TBXT: variants seen among roughly 807,000 people sequenced by gnomAD.
TBXT encodes the protein T brachyury transcription factor.
Under a neutral mutation model 41.1 loss-of-function variants are expected in TBXT, and 19 were observed. The ratio of observed to expected loss-of-function variants is 0.46; its 90% confidence interval spans 0.32 to 0.68. The LOEUF is 0.68. Among genes scored for constraint, TBXT ranks in the 30% least tolerant of loss-of-function variants. TBXT has a pLI of 0.03. For synonymous variants in TBXT, 213 were observed against 238.9 expected, an observed-to-expected ratio of 0.89 and a Z score of 1.00; for missense variants, 536 against 582.0, an observed-to-expected ratio of 0.92 and a Z score of 0.81.
intron 6 of TBXT, among the ~76,000 whole-genome samples, 173 bp from the exon 7 acceptor site, chr6:166,161,139 G>C (rs1427690016): frequency 6.6e-6 from 1 of 152,184 alleles, no homozygotes; most frequent in Non-Finnish European, 1.5e-5. Flanking sequence ...TCAGGGGCAA[G>C]ATTTATTGCC....
At chr6:166,167,170 C>A (rs1779143663) in intron 1 of TBXT, among the ~76,000 whole-genome samples, 1 of 152,256 alleles carries the variant, frequency 6.6e-6, no homozygotes, top group Non-Finnish European at 1.5e-5. Flanking sequence ...GAGGTCGGGA[C>A]ACCGAAGTGC....
upstream of TBXT, chr6:166,167,918 A>ATTGGGCCGCGCACGCT (rs1264884905): frequency 7.0e-6 from 3 of 427,522 alleles, no homozygotes; most frequent in Non-Finnish European, 1.3e-5. Context: ...TGCTCGGCGG[A>ATTGGGCCGCGCACGCT]TTGGGCCGCG....
chr6:166,158,620 T>C, intron 7 of TBXT, 32 bp from the exon 8 acceptor site: 2 of 1,472,024 alleles, frequency 1.4e-6, no homozygotes, highest in Non-Finnish European at 1.8e-6. Context: ...GAGCAGGGCC[T>C]GGGCAGGGGC....
Position 166,157,851 on chromosome 6 carries a change from T to C in TBXT, c.*464A>G. The stretch of plus-strand genomic sequence containing the variant: ...TAAAACCTGCTGTCCTCAACTATGA[T>C]TTTATTCTGTCCTTAACAGCTCAAC... On this transcript the variant is annotated 3_prime_UTR_variant, in exon 8 of 8. Transcript: ENST00000366876. The C allele has an allele frequency of 5.0e-6, 1 of 198,346 alleles. No homozygotes were observed. Among genetic ancestry groups the C allele is most frequent in the East Asian group, 1.2e-4 (1 of 8,188 alleles). The allele number at this position is 198,346 out of a possible 1,614,324, so 12.3% of individuals were successfully genotyped here.
chr6:166,161,059 A>G (rs1778941911), intron 6 of TBXT, 93 bp from the exon 7 acceptor site: 8 of 1,499,234 alleles, frequency 5.3e-6, no homozygotes, highest in South Asian at 1.1e-5. Flanking sequence ...GAAGCTACGT[A>G]ACACTGAAAA....
chr6:166,164,591 G>T lies in TBXT; in HGVS notation c.730+14C>A. The T allele has an allele frequency of 6.2e-7, 1 of 1,613,972 alleles. No individual in the cohort carries two copies. Among genetic ancestry groups the T allele is most frequent in the Non-Finnish European group, 8.5e-7 (1 of 1,179,986 alleles). On this transcript the variant is annotated intron_variant, in intron 5 of 7. Transcript: ENST00000366876. ...ATGACGCAGAATGACATGACAGAGT[G>T]CAACAAACCGTACATTGGGAGTACC...
chr6:166,162,509 G>A lies in TBXT; in HGVS notation c.845C>T (p.Thr282Ile). 3 of 1,614,170 alleles carry A rather than the reference G, an allele frequency of 1.9e-6. No individual in the cohort carries two copies. The highest frequency in any genetic ancestry group is 2.5e-6 in the Non-Finnish European group (3 of 1,180,024). ...GGGTGAGGACCGGTGGCTCCTCAGG[G>A]TTGGGTACCTGTCACAGCTGTGCGT... ...PSTHSCDRYPTLRSHRSSPYP... is the reference protein window; with the variant it reads ...PSTHSCDRYPILRSHRSSPYP... The change falls in exon 6 of 8, where the codon ACC (threonine) becomes ATC (isoleucine). Residue 282 changes from threonine to isoleucine, a missense_variant. Coordinates refer to ENST00000366876, the MANE Select transcript of TBXT (RefSeq NM_001366285.2).
intron 5 of TBXT, among the ~76,000 whole-genome samples, chr6:166,163,879 G>A (rs1779033041): frequency 6.6e-6 from 1 of 152,212 alleles, no homozygotes; most frequent in African/African-American, 2.4e-5. Context: ...CTGCCTTTCT[G>A]GTTGTTCAAT....
chr6:166,162,398 G>A (rs1230012772), intron 6 of TBXT, 49 bp downstream of exon 6: 2 of 1,607,488 alleles, frequency 1.2e-6, no homozygotes, highest in East Asian at 4.5e-5. Flanking sequence ...TCCCAAAGTG[G>A]TCTTGCAGCC....
At chr6:166,161,044 T>C (rs112831831) in intron 6 of TBXT, 78 bp from the exon 7 acceptor site, 27 of 1,568,224 alleles carry the variant, frequency 1.7e-5, no homozygotes, top group African/African-American at 1.4e-4. Flanking sequence ...ATACCACCAA[T>C]AACTGAAGCT....
Position 166,167,284 on chromosome 6 carries a change from C to CT in TBXT, c.206+101dup, listed in dbSNP as rs568098881. 3.8e-5 allele frequency: 51 copies of CT among 1,348,074 alleles called. No individual in the cohort carries two copies. In the East Asian group the frequency reaches 1.1e-3, roughly 30 times the overall value. 83.5% of individuals were successfully genotyped at this position (1,348,074 alleles called of 1,614,324 possible). Reference sequence around the variant, plus strand: ...GAGCGGGAACAAACACAAAGCCCTCCTCCAGGAGAAAAAGGGTTCGACCTC... The same window carrying CT: ...GAGCGGGAACAAACACAAAGCCCTCCTTCCAGGAGAAAAAGGGTTCGACCTC... On this transcript the variant is annotated intron_variant, in intron 1 of 7. Coordinates refer to ENST00000366876, the MANE Select transcript of TBXT (RefSeq NM_001366285.2).
chr6:166,160,884 G>A lies in TBXT; in HGVS notation c.990C>T (p.Pro330=). 6.2e-7 allele frequency: 1 copy of A among 1,614,108 alleles called. No homozygotes were observed. Among genetic ancestry groups the A allele is most frequent in the South Asian group, 1.1e-5 (1 of 91,078 alleles). Residue 330 remains proline, a synonymous_variant, in exon 7 of 8, where the codon CCC becomes CCT. Coordinates refer to ENST00000366876, the MANE Select transcript of TBXT (RefSeq NM_001366285.2). ...CATTGTGGCTCACGGGGAGCATGCTGGGATGGGCAGGCATTCCAAGGCTGG... is the reference window on the plus strand; with the variant it reads ...CATTGTGGCTCACGGGGAGCATGCTAGGATGGGCAGGCATTCCAAGGCTGG... ...NWSSLGMPAH[P]SMLPVSHNAS... is the part of the protein sequence containing the mutation.
In TBXT at chr6:166,167,582, G is replaced by A. The variant is rs1283158104; in HGVS notation, c.10C>T (p.Pro4Ser). The change falls in exon 1 of 8, where the codon CCT becomes TCT. Residue 4 changes from proline to serine, a missense_variant. Coordinates refer to ENST00000366876, the MANE Select transcript of TBXT (RefSeq NM_001366285.2). MSS[P>S]GTESAGKSLQ... ...CTCTTTCCCGCGCTCTCGGTGCCAG[G>A]GGAGCTCATCCTCCCGTCCGGCTCC... The A allele has an allele frequency of 6.4e-6, 10 of 1,561,606 alleles. No individual in the cohort carries two copies. Among genetic ancestry groups the A allele is most frequent in the Non-Finnish European group, 8.6e-6 (10 of 1,159,520 alleles).
In TBXT at chr6:166,162,577, T is replaced by C. The variant is rs1235529667; in HGVS notation, c.777A>G (p.Ala259=). The C allele has an allele frequency of 6.2e-7, 1 of 1,614,146 alleles. No individual in the cohort carries two copies. The highest frequency in any genetic ancestry group is 8.5e-7 in the Non-Finnish European group (1 of 1,179,998). ...LPGTSTLCPP[A]NPHPQFGGAL... ...CACCTCCAAACTGAGGATGAGGATT[T>C]GCAGGTGGACACAGGGTGCTGGTTC... is the stretch of plus-strand genomic sequence containing the variant. Residue 259 remains alanine, a synonymous_variant, in exon 6 of 8, where the codon GCA becomes GCG. Coordinates refer to ENST00000366876, the MANE Select transcript of TBXT (RefSeq NM_001366285.2).
At position 166,158,974 on chromosome 6, in the gene TBXT, G is replaced by A. The variant is rs3127330; in HGVS notation, c.1038-386C>T. ...GATCAGCTGATGTCAGGAGTTCAAG[G>A]CCAGCCTGACTAACATGGTGAAACC... On this transcript the variant is annotated intron_variant, in intron 7 of 7. Coordinates refer to ENST00000366876, the MANE Select transcript of TBXT (RefSeq NM_001366285.2). Among the ~76,000 whole-genome samples the A allele has an allele frequency of 2.6e-4, 39 of 152,140 alleles. No individual in the cohort carries two copies. In the East Asian group the frequency reaches 5.8e-3, roughly 23 times the overall value.
intron 7 of TBXT, 152 bp downstream of exon 7, chr6:166,160,685 C>A (rs1376828685): frequency 1.8e-5 from 20 of 1,130,318 alleles, no homozygotes; most frequent in Admixed American, 2.6e-5. Flanking sequence ...AATCCCTGGG[C>A]ATAGCTGGCT....
chr6:166,161,463 T>G (rs1223063021), intron 6 of TBXT, among the ~76,000 whole-genome samples: 1 of 152,262 alleles, frequency 6.6e-6, no homozygotes, highest in African/African-American at 2.4e-5. Flanking sequence ...CTTTAATTGC[T>G]TAATTGTTTT....
chr6:166,165,675 CG>C lies in TBXT; in HGVS notation c.606+30del, dbSNP rs34956905. On this transcript the variant is annotated intron_variant, in intron 3 of 7. Coordinates refer to ENST00000366876, the MANE Select transcript of TBXT (RefSeq NM_001366285.2). ...AGCAGCACACCACACCGCAGCACAC[CG>C]GGAAAGCGATCCGCCTCTGTCCTTC... is the stretch of plus-strand genomic sequence containing the variant. 1.9e-6 allele frequency: 3 copies of C among 1,613,170 alleles called. No individual in the cohort carries two copies. The South Asian group carries it at 3.3e-5, about 18-fold the overall frequency.
At chr6:166,167,935 T>G, upstream of TBXT, 1 of 396,906 alleles carries the variant, frequency 2.5e-6, no homozygotes, top group South Asian at 2.5e-5. Context: ...CGCGCACGCT[T>G]TGAAGTGCCG....
Sources: allele counts gnomAD v4.1 joint callset (sites outside exome capture counted in the v4.1 genomes callset), GRCh38; gene constraint gnomAD v4.1.1; transcripts MANE v1.5; gene names NCBI Gene and HGNC (gene_info 2026-07-23, HGNC 2026-07-21).